The following PTGER4 variants were observed in gnomAD, a reference collection of about 807,000 sequenced individuals.
PTGER4 encodes prostaglandin E2 receptor EP4 subtype.
A neutral mutation model predicts 33.2 loss-of-function variants in PTGER4; 11 were observed. The observed-to-expected ratio is 0.33, with a 90% confidence interval of 0.21 to 0.55. PTGER4 has a LOEUF of 0.55. Among genes scored for constraint, PTGER4 ranks in the 20% least tolerant of loss-of-function variants. PTGER4 has a pLI of 0.92. For synonymous variants in PTGER4, 275 were observed against 281.5 expected, an observed-to-expected ratio of 0.98 and a Z score of 0.23; for missense variants, 481 against 650.2, an observed-to-expected ratio of 0.74 and a Z score of 2.83.
downstream of PTGER4, among the ~76,000 whole-genome samples, chr5:40,697,239 A>G (rs1741626885): frequency 2.5e-5 from 1 of 39,564 alleles, no homozygotes; most frequent in Non-Finnish European, 6.1e-5. Context: ...AGAAAGAAAG[A>G]AAGAAAGAAA....
downstream of PTGER4, among the ~76,000 whole-genome samples, chr5:40,697,270 G>GAA (rs1017834480): frequency 8.1e-6 from 1 of 123,230 alleles, no homozygotes; most frequent in Non-Finnish European, 1.8e-5. Context: ...AAGAAAGAAA[G>GAA]AAAGAAAGAA....
rs1741144631 is a variant in PTGER4 at position 40,680,009 on chromosome 5, C to G, written c.-513C>G. The G allele has an allele frequency of 6.6e-6, 1 of 152,598 alleles. No individual in the cohort carries two copies. Among genetic ancestry groups the G allele is most frequent in the Non-Finnish European group, 1.5e-5 (1 of 68,388 alleles). 9.5% of individuals were successfully genotyped at this position (152,598 alleles called of 1,614,324 possible). A position where few individuals can be genotyped will look rare whatever the true frequency, so the allele number is the denominator to read the frequency against. On this transcript the variant is annotated 5_prime_UTR_variant, in exon 1 of 3. Transcript: ENST00000302472. The surrounding 1 kb of genome is among the most constrained non-coding windows in gnomAD (Gnocchi z 5.5). ...CCAGAGCCTCTGGCAGAGTGGACCC[C>G]GAGCCGCCCCCAGGTAGCCAGGAGC...
the PTGER4 span, among the ~76,000 whole-genome samples, chr5:40,713,691 C>A: frequency 1.3e-5 from 2 of 152,096 alleles, no homozygotes; most frequent in Non-Finnish European, 2.9e-5. Context: ...CTATGCCATA[C>A]AATTCTCAAA....
the PTGER4 span, among the ~76,000 whole-genome samples, chr5:40,706,368 C>G: frequency 6.6e-6 from 1 of 152,056 alleles, no homozygotes; most frequent in Non-Finnish European, 1.5e-5. Flanking sequence ...GAAAAGATAA[C>G]TATTGGGTAC....
chr5:40,703,902 C>CAAAAAAAAA, the PTGER4 span, among the ~76,000 whole-genome samples: 9 of 37,264 alleles, frequency 2.4e-4, 1 homozygote, highest in African/African-American at 2.9e-4. Context: ...GACGCCGTCT[C>CAAAAAAAAA]AAAAAAAAAA....
the PTGER4 span, among the ~76,000 whole-genome samples, chr5:40,701,736 T>A: frequency 6.6e-6 from 1 of 152,146 alleles, no homozygotes; most frequent in African/African-American, 2.4e-5. Context: ...ATCATCAGAT[T>A]TTCCAAGGTT....
rs575824564 is a variant in PTGER4 at position 40,693,735 on chromosome 5, A to G, written c.*1357A>G. 1 of 978,344 alleles carries G rather than the reference A, an allele frequency of 1.0e-6. No homozygotes were observed. Among genetic ancestry groups the G allele is most frequent in the Non-Finnish European group, 1.2e-6 (1 of 822,994 alleles). 60.6% of individuals were successfully genotyped at this position (978,344 alleles called of 1,614,324 possible). On this transcript the variant is annotated 3_prime_UTR_variant, in exon 3 of 3. Coordinates refer to ENST00000302472, the MANE Select transcript of PTGER4 (RefSeq NM_000958.3). ...AGATTATAATAAATATATACATTCAATCTGAGTTGCATATCCTCAGTTTGG... is the reference window on the plus strand; with the variant it reads ...AGATTATAATAAATATATACATTCAGTCTGAGTTGCATATCCTCAGTTTGG...
chr5:40,742,302 A>G, the PTGER4 span, among the ~76,000 whole-genome samples: 1 of 152,162 alleles, frequency 6.6e-6, no homozygotes, highest in Non-Finnish European at 1.5e-5. Flanking sequence ...AGGACACAGA[A>G]TAATTAGGAC....
chr5:40,724,422 C>A, the PTGER4 span, among the ~76,000 whole-genome samples: 2 of 152,084 alleles, frequency 1.3e-5, no homozygotes, highest in East Asian at 3.9e-4. Flanking sequence ...ATCATGAGGT[C>A]AGGAGTTCAA....
In PTGER4 at chr5:40,692,432, A is replaced by G. The variant is rs1440226574; in HGVS notation, c.*54A>G. 8 of 1,517,868 alleles carry G rather than the reference A, an allele frequency of 5.3e-6. No individual in the cohort carries two copies. Among genetic ancestry groups the G allele is most frequent in the Admixed American group, 2.2e-5 (1 of 46,478 alleles). The allele number at this position is 1,517,868 out of a possible 1,614,324, so 94.0% of individuals were successfully genotyped here. On this transcript the variant is annotated 3_prime_UTR_variant, in exon 3 of 3. Coordinates refer to ENST00000302472, the MANE Select transcript of PTGER4 (RefSeq NM_000958.3). ...TCTGGACCCTTATAAAATCCTGTGC[A>G]ATAGACACATACATGTCACATTTAG...
chr5:40,731,563 G>A, the PTGER4 span, among the ~76,000 whole-genome samples: 6 of 152,326 alleles, frequency 3.9e-5, no homozygotes, highest in South Asian at 2.1e-4. Flanking sequence ...AGAAATGAGC[G>A]CTGAGCAAAC....
At position 40,693,181 on chromosome 5, in the gene PTGER4, C is replaced by T. The variant is rs1561132501; in HGVS notation, c.*803C>T. The T allele has an allele frequency of 2.0e-6, 2 of 979,260 alleles. No individual in the cohort carries two copies. The highest frequency in any genetic ancestry group is 2.4e-6 in the Non-Finnish European group (2 of 824,028). 60.7% of individuals were successfully genotyped at this position (979,260 alleles called of 1,614,324 possible). On this transcript the variant is annotated 3_prime_UTR_variant, in exon 3 of 3. Transcript: ENST00000302472. ...ATATTACATTTATTTATCCAGAAAA[C>T]TGTGATTTCAGGAGAACCTAACATG...
At chr5:40,694,517 G>C (rs1741544452), downstream of PTGER4, among the ~76,000 whole-genome samples, 1 of 152,180 alleles carries the variant, frequency 6.6e-6, no homozygotes, top group Non-Finnish European at 1.5e-5. Context: ...GGTGTCAGCA[G>C]GGTTGGTTTC....
At chr5:40,717,977 G>A in the PTGER4 span, among the ~76,000 whole-genome samples, 16 of 151,834 alleles carry the variant, frequency 1.1e-4, no homozygotes, top group African/African-American at 3.4e-4. Flanking sequence ...CAGGAGAATC[G>A]CTTGAACTCG....
chr5:40,740,086 C>T, the PTGER4 span, among the ~76,000 whole-genome samples: 2 of 151,830 alleles, frequency 1.3e-5, no homozygotes, highest in African/African-American at 4.8e-5. Context: ...TTCCATTTAT[C>T]CCTTCATGCT....
In PTGER4 at chr5:40,693,620, G is replaced by GT. The variant is rs1356401198; in HGVS notation, c.*1247dup. 1.0e-6 allele frequency: 1 copy of GT among 985,632 alleles called. No individual in the cohort carries two copies. Among genetic ancestry groups the GT allele is most frequent in the Non-Finnish European group, 1.2e-6 (1 of 829,764 alleles). 61.1% of individuals were successfully genotyped at this position (985,632 alleles called of 1,614,324 possible). A position where few individuals can be genotyped will look rare whatever the true frequency, so the allele number is the denominator to read the frequency against. ...TATTAAGCATGTTTTGTTGCTCAGTGTTTTTGTGAATTGCTTGGTTGTAAT... is the reference window on the plus strand; with the variant it reads ...TATTAAGCATGTTTTGTTGCTCAGTGTTTTTTGTGAATTGCTTGGTTGTAAT... On this transcript the variant is annotated 3_prime_UTR_variant, in exon 3 of 3. Coordinates refer to ENST00000302472, the MANE Select transcript of PTGER4 (RefSeq NM_000958.3).
At chr5:40,728,747 G>A in the PTGER4 span, among the ~76,000 whole-genome samples, 1 of 152,060 alleles carries the variant, frequency 6.6e-6, no homozygotes, top group Non-Finnish European at 1.5e-5. Flanking sequence ...TAACTATGGT[G>A]GCTCAGAGGT....
chr5:40,692,998 G>A lies in PTGER4; in HGVS notation c.*620G>A, dbSNP rs908776094. 4.9e-5 allele frequency: 45 copies of A among 916,086 alleles called. No individual in the cohort carries two copies. Among genetic ancestry groups the A allele is most frequent in the Non-Finnish European group, 5.5e-5 (42 of 766,948 alleles). 56.7% of individuals were successfully genotyped at this position (916,086 alleles called of 1,614,324 possible). On this transcript the variant is annotated 3_prime_UTR_variant, in exon 3 of 3. Transcript: ENST00000302472. ...AGTCAAAGTTGAAAATTCATAGTAA[G>A]ATTGATATCTATAAAATAGATATAA... is the stretch of plus-strand genomic sequence containing the variant.
chr5:40,718,722 A>G, the PTGER4 span, among the ~76,000 whole-genome samples: 1 of 151,690 alleles, frequency 6.6e-6, no homozygotes, highest in East Asian at 1.9e-4. Flanking sequence ...TGGGCGACAG[A>G]GCAAGATTCC....
Sources: allele counts gnomAD v4.1 joint callset (sites outside exome capture counted in the v4.1 genomes callset), GRCh38; gene constraint gnomAD v4.1.1; non-coding constraint Gnocchi (gnomAD v3.1); transcripts MANE v1.5; gene names NCBI Gene and HGNC (gene_info 2026-07-23, HGNC 2026-07-21).